The following UTRN variants were observed in gnomAD, a reference collection of about 807,000 sequenced individuals.
UTRN encodes the protein dystrophin-related protein 1.
In UTRN, 283 loss-of-function variants were observed where a neutral mutation model predicts 463.9. That is an observed-to-expected ratio of 0.61 (90% CI 0.55 to 0.67). UTRN has a LOEUF of 0.67. Ranked by LOEUF, UTRN falls within the 30% of genes least tolerant of loss-of-function variation. The pLI, the probability that UTRN is intolerant of heterozygous loss-of-function variation, is 0.00. For synonymous variants in UTRN, 1,442 were observed against 1,431.5 expected, an observed-to-expected ratio of 1.01 and a Z score of -0.17; for missense variants, 3,922 against 4,084.3, an observed-to-expected ratio of 0.96 and a Z score of 1.08.
chr6:144,742,669 C>G (rs1790241290), intron 54 of UTRN, among the ~76,000 whole-genome samples: 1 of 152,132 alleles, frequency 6.6e-6, no homozygotes, highest in African/African-American at 2.4e-5. Context: ...CCTCAAGAAC[C>G]TACTGTGTGC....
rs34140249 is a variant in UTRN, at chr6:144,343,542, G to A, written c.79+51635G>A. On this transcript the variant is annotated intron_variant, in intron 2 of 74. Transcript: ENST00000367545. ...GCCATTGCACTCCAGCCTGGGTGAC[G>A]AGTGAAAAAAAAATAATGATAATAA... Among the ~76,000 whole-genome samples the A allele has an allele frequency of 7.5e-3, 1,140 of 151,652 alleles. 56 individuals are homozygous for A. In the East Asian group the frequency reaches 0.14, roughly 19 times the overall value.
chr6:144,779,618 G>A lies in UTRN; in HGVS notation c.8633-2304G>A, dbSNP rs77491780. On this transcript the variant is annotated intron_variant, in intron 60 of 74. Coordinates refer to ENST00000367545, the MANE Select transcript of UTRN (RefSeq NM_007124.3). ...GGAGCAGTTGGTGTTGCTGTCTCAG[G>A]GGTAACAGAGGCAGAAAGGGTAGAG... 3.2e-3 allele frequency among the ~76,000 whole-genome samples: 481 copies of A among 152,228 alleles called. 2 individuals are homozygous for A. Among genetic ancestry groups the A allele is most frequent in the African/African-American group, 0.011 (470 of 41,530 alleles).
In UTRN at chr6:144,684,239, G is replaced by A. The variant is rs141146227; in HGVS notation, c.7652+5661G>A. On this transcript the variant is annotated intron_variant, in intron 52 of 74. Coordinates refer to ENST00000367545, the MANE Select transcript of UTRN (RefSeq NM_007124.3). ...TTATTTTTGTATTTTTAGTAGAGAC[G>A]AGGTTTCATCATGTTGGCCAGGCTG... Among the ~76,000 whole-genome samples the A allele has an allele frequency of 3.3e-3, 496 of 151,868 alleles. 3 individuals carry two copies. The highest frequency in any genetic ancestry group is 9.5e-3 in the African/African-American group (395 of 41,418).
chr6:144,551,133 G>C, intron 48 of UTRN, 51 bp downstream of exon 48: 1 of 940,754 alleles, frequency 1.1e-6, no homozygotes, highest in South Asian at 1.6e-5. Flanking sequence ...CCCTGCAAAT[G>C]GTGACACACA....
chr6:144,698,561 C>T (rs1427421761), intron 52 of UTRN, among the ~76,000 whole-genome samples: 1 of 152,198 alleles, frequency 6.6e-6, no homozygotes, highest in Non-Finnish European at 1.5e-5. Flanking sequence ...AAGGCATAAG[C>T]CCGCATTCAC....
intron 46 of UTRN, among the ~76,000 whole-genome samples, chr6:144,543,107 A>T (rs1202933274): frequency 3.3e-5 from 5 of 152,214 alleles, no homozygotes; most frequent in African/African-American, 1.2e-4. Context: ...TCTGGACTCC[A>T]GTGCTACCTG....
chr6:144,458,855 A>G lies in UTRN; in HGVS notation c.2370A>G (p.Leu790=). 1 of 1,613,646 alleles carries G rather than the reference A, an allele frequency of 6.2e-7. No individual in the cohort carries two copies. The highest frequency in any genetic ancestry group is 8.5e-7 in the Non-Finnish European group (1 of 1,179,908). Residue 790 remains leucine, a synonymous_variant, in exon 20 of 75, where the codon CTA becomes CTG. Transcript: ENST00000367545. ...WKNVSQHLED[L]ERKIQLQEDI... ...ATGTATCTCAACATTTGGAAGATCTAGAAAGAAAGATTCAGCTACAGGAAG... is the reference window on the plus strand; with the variant it reads ...ATGTATCTCAACATTTGGAAGATCTGGAAAGAAAGATTCAGCTACAGGAAG...
At chr6:144,842,110 CAAAAAAAAAAAAAAA>C (rs35954430) in intron 73 of UTRN, among the ~76,000 whole-genome samples, 1 of 62,070 alleles carries the variant, frequency 1.6e-5, no homozygotes, top group Non-Finnish European at 3.4e-5. Context: ...ACTTCCTCTC[CAAAAAAAAAAAAAAA>C]AAAAAAAAAG....
intron 2 of UTRN, among the ~76,000 whole-genome samples, chr6:144,400,971 C>A (rs1227065707): frequency 6.6e-6 from 1 of 152,138 alleles, no homozygotes; most frequent in Non-Finnish European, 1.5e-5. Context: ...GTGCTCATTT[C>A]TTTGCCCACT....
intron 51 of UTRN, among the ~76,000 whole-genome samples, chr6:144,607,408 C>T (rs999192332): frequency 2.0e-5 from 3 of 152,174 alleles, no homozygotes; most frequent in African/African-American, 7.2e-5. Context: ...TCTCAATATT[C>T]TCTAAACATC....
intron 37 of UTRN, 109 bp from the exon 38 acceptor site, chr6:144,516,118 GAA>G: frequency 9.0e-7 from 1 of 1,105,258 alleles, no homozygotes; most frequent in Non-Finnish European, 1.3e-6. Flanking sequence ...GAGCTGAATA[GAA>G]AAGTCAGTTA....
In UTRN at chr6:144,425,273, C is replaced by T. The variant is rs148046038; in HGVS notation, c.406-1014C>T. ...TTTGGCAGGGACGTCACAAAAGTGACGTGAGTTCTTCTTAGTGCATCATAT... is the reference window on the plus strand; with the variant it reads ...TTTGGCAGGGACGTCACAAAAGTGATGTGAGTTCTTCTTAGTGCATCATAT... On this transcript the variant is annotated intron_variant, in intron 6 of 74. Transcript: ENST00000367545. 9.9e-3 allele frequency among the ~76,000 whole-genome samples: 1,506 copies of T among 152,222 alleles called. 9 individuals carry two copies. Among genetic ancestry groups the T allele is most frequent in the Non-Finnish European group, 0.015 (993 of 68,004 alleles).
intron 8 of UTRN, 138 bp downstream of exon 8, chr6:144,429,031 C>A (rs1584747431): frequency 1.8e-6 from 1 of 546,872 alleles, no homozygotes; most frequent in East Asian, 3.0e-5. Flanking sequence ...AGGTGCGAGT[C>A]ATTTTATTAC....
chr6:144,730,408 G>T lies in UTRN; in HGVS notation c.7861G>T (p.Asp2621Tyr). The T allele has an allele frequency of 6.2e-7, 1 of 1,612,124 alleles. No individual in the cohort carries two copies. The highest frequency in any genetic ancestry group is 1.7e-5 in the Admixed American group (1 of 59,810). The change falls in exon 54 of 75, where the codon GAC (aspartate) becomes TAC (tyrosine). Residue 2621 changes from aspartate to tyrosine, a missense_variant. Physicochemically the swap from Asp to Tyr is radical, Grantham distance 160. Coordinates refer to ENST00000367545, the MANE Select transcript of UTRN (RefSeq NM_007124.3). ...AGAATATTCTGTCCTGAATGCTGTC[G>T]ACCAGGCCCGAGTTTTCTTGGCTGA... ...EKEYSVLNAV[D>Y]QARVFLADQP... is the part of the protein sequence containing the mutation.
At position 144,499,399 on chromosome 6, in the gene UTRN, A is replaced by T. The variant is rs747927452; in HGVS notation, c.4736A>T (p.Asp1579Val). 6 of 1,608,762 alleles carry T rather than the reference A, an allele frequency of 3.7e-6. No individual in the cohort carries two copies. The highest frequency in any genetic ancestry group is 5.1e-6 in the Non-Finnish European group (6 of 1,176,196). The change falls in exon 34 of 75, where the codon GAC becomes GTC. Residue 1579 changes from aspartate to valine, a missense_variant. Transcript: ENST00000367545. ...QKSTSEGLLG[D>V]LDTEISWAKN... ...TCCACTTCAGAAGGTCTGCTTGGTGACTTGGATACAGAAATTTCCTGGGCT... is the reference window on the plus strand; with the variant it reads ...TCCACTTCAGAAGGTCTGCTTGGTGTCTTGGATACAGAAATTTCCTGGGCT...
In UTRN at chr6:144,828,797, C is replaced by T; in HGVS notation, c.9607C>T (p.Gln3203Ter). 2 of 1,613,402 alleles carry T rather than the reference C, an allele frequency of 1.2e-6. No homozygotes were observed. Among genetic ancestry groups the T allele is most frequent in the Non-Finnish European group, 1.7e-6 (2 of 1,179,564 alleles). The part of the protein sequence containing the change: ...RIEQYATRLA[Q>*]MERTNGSFLT... ...CTTATTTTTATTTTGCAGACTGGCC[C>T]AGATGGAAAGGACTAATGGGTCTTT... Residue 3203 changes from glutamine (Q) to a stop codon, truncating the protein, a stop_gained, in exon 69 of 75, where the codon CAG becomes TAG. Transcript: ENST00000367545. LOFTEE classifies it high-confidence loss of function.
At chr6:144,498,379 T>C (rs1163519282) in intron 33 of UTRN, among the ~76,000 whole-genome samples, 2 of 152,218 alleles carry the variant, frequency 1.3e-5, no homozygotes, top group Non-Finnish European at 2.9e-5. Context: ...AAATGTTAGT[T>C]AAGTTCATTT....
At chr6:144,812,823 A>G (rs939123653) in intron 65 of UTRN, among the ~76,000 whole-genome samples, 2 of 152,168 alleles carry the variant, frequency 1.3e-5, no homozygotes, top group African/African-American at 4.8e-5. Context: ...GATACTTTCC[A>G]TATTTTATTT....
At chr6:144,447,543 G>C in intron 15 of UTRN, 59 bp from the exon 16 acceptor site, 2 of 1,580,748 alleles carry the variant, frequency 1.3e-6, no homozygotes, top group South Asian at 2.3e-5. Flanking sequence ...TTTTGGCTGG[G>C]GAACAGAAAG....
Sources: gnomAD v4.1 joint callset for allele counts (sites outside exome capture counted in the v4.1 genomes callset) on GRCh38, gnomAD v4.1.1 for gene constraint, MANE v1.5 for transcripts, NCBI Gene and HGNC (gene_info 2026-07-23, HGNC 2026-07-21) for gene names.